GNPTAB: variants seen among roughly 807,000 people sequenced by gnomAD.
The protein encoded by GNPTAB is N-acetylglucosamine-1-phosphate transferase subunits alpha and beta, also known as N-acetylglucosamine-1-phosphotransferase subunits alpha/beta.
Under a neutral mutation model 136.6 loss-of-function variants are expected in GNPTAB, and 92 were observed. That is an observed-to-expected ratio of 0.67 (90% CI 0.57 to 0.80). GNPTAB has a LOEUF of 0.80. Among genes scored for constraint, GNPTAB ranks in the 30% least tolerant of loss-of-function variants. The pLI is 0.00. For synonymous variants in GNPTAB, 512 were observed against 535.1 expected, an observed-to-expected ratio of 0.96 and a Z score of 0.60; for missense variants, 1,343 against 1,501.8, an observed-to-expected ratio of 0.89 and a Z score of 1.75.
At chr12:101,789,641 C>T (rs1333518730) in intron 3 of GNPTAB, among the ~76,000 whole-genome samples, 3 of 152,252 alleles carry the variant, frequency 2.0e-5, no homozygotes, top group South Asian at 2.1e-4. Context: ...TGCACCATCA[C>T]GCCCAACAAA....
intron 1 of GNPTAB, among the ~76,000 whole-genome samples, chr12:101,810,223 G>C (rs1282134075): frequency 6.6e-6 from 1 of 152,006 alleles, no homozygotes; most frequent in Non-Finnish European, 1.5e-5. Context: ...TCCAGCCTGG[G>C]CAACAGAGCA....
At chr12:101,787,004 G>A (rs1868685554) in intron 4 of GNPTAB, among the ~76,000 whole-genome samples, 1 of 152,144 alleles carries the variant, frequency 6.6e-6, no homozygotes, top group Non-Finnish European at 1.5e-5. Flanking sequence ...AATCTTTTGG[G>A]AAAGCAAGTT....
chr12:101,830,687 C>A lies in GNPTAB; in HGVS notation c.-12G>T, dbSNP rs748971615. ...AGCTTGAACAGCATCACCCCTTCAC[C>A]GCCACGCCACGCCCCGAGGAGCCTG... On this transcript the variant is annotated 5_prime_UTR_variant, in exon 1 of 21. Coordinates refer to ENST00000299314, the MANE Select transcript of GNPTAB (RefSeq NM_024312.5). 6 of 1,476,954 alleles carry A rather than the reference C, an allele frequency of 4.1e-6. No homozygotes were observed. The South Asian group carries it at 6.8e-5, about 17-fold the overall frequency. 91.5% of individuals were successfully genotyped at this position (1,476,954 alleles called of 1,614,324 possible).
At chr12:101,775,797 T>C (rs1033732734) in intron 7 of GNPTAB, among the ~76,000 whole-genome samples, 2 of 152,030 alleles carry the variant, frequency 1.3e-5, no homozygotes, top group South Asian at 4.2e-4. Context: ...GTGCACATAG[T>C]GGTTTCAGAG....
intron 1 of GNPTAB, among the ~76,000 whole-genome samples, chr12:101,805,439 G>A (rs761196481): frequency 6.6e-6 from 1 of 152,198 alleles, no homozygotes; most frequent in East Asian, 1.9e-4. Flanking sequence ...CCAGGCTGGA[G>A]TGCAGTGGCG....
At chr12:101,791,731 G>T (rs1337017516) in intron 2 of GNPTAB, among the ~76,000 whole-genome samples, 3 of 152,124 alleles carry the variant, frequency 2.0e-5, no homozygotes. Flanking sequence ...ACTTTCAGTT[G>T]CTACCATATT....
chr12:101,756,501 G>C (rs755631335), intron 18 of GNPTAB: 1 of 397,106 alleles, frequency 2.5e-6, no homozygotes, highest in Non-Finnish European at 5.0e-6. Flanking sequence ...TTGAGCCCAC[G>C]AGGTCGAGGC....
At chr12:101,765,836 A>G in intron 12 of GNPTAB, 1 of 462,308 alleles carries the variant, frequency 2.2e-6, no homozygotes, top group Non-Finnish European at 4.0e-6. Context: ...TTCACCACAT[A>G]TTTTCAGCTA....
At chr12:101,821,629 T>C (rs1039194053) in intron 1 of GNPTAB, among the ~76,000 whole-genome samples, 6 of 152,136 alleles carry the variant, frequency 3.9e-5, no homozygotes, top group Admixed American at 2.0e-4. Flanking sequence ...CAGAGGTAGC[T>C]GGCATTCTGT....
At chr12:101,779,491 G>C (rs1445355600) in intron 7 of GNPTAB, 1 of 153,866 alleles carries the variant, frequency 6.5e-6, no homozygotes, top group Non-Finnish European at 1.4e-5. Flanking sequence ...CCAGCCTCCA[G>C]AGTCCACCTT....
At chr12:101,820,880 A>G (rs1164143619) in intron 1 of GNPTAB, among the ~76,000 whole-genome samples, 1 of 152,020 alleles carries the variant, frequency 6.6e-6, no homozygotes, top group Non-Finnish European at 1.5e-5. Flanking sequence ...CAACCAGTGA[A>G]ACCCCATCTC....
At chr12:101,809,717 CA>C (rs1870118947) in intron 1 of GNPTAB, among the ~76,000 whole-genome samples, 2 of 152,078 alleles carry the variant, frequency 1.3e-5, no homozygotes, top group African/African-American at 2.4e-5. Context: ...ACAGACACAG[CA>C]AAAAGATCAG....
At chr12:101,794,485 TTAAAA>T in intron 2 of GNPTAB, among the ~76,000 whole-genome samples, 1 of 146,164 alleles carries the variant, frequency 6.8e-6, no homozygotes, top group African/African-American at 2.5e-5. Flanking sequence ...CCCATCTCTA[TTAAAA>T]TAAATAAATT....
At chr12:101,796,837 C>A in intron 1 of GNPTAB, 75 bp from the exon 2 acceptor site, 3 of 989,888 alleles carry the variant, frequency 3.0e-6, no homozygotes, top group Admixed American at 2.0e-5. Context: ...ATTTTAATTT[C>A]ATTAGAATTG....
At chr12:101,801,957 G>A (rs1012713294) in intron 1 of GNPTAB, among the ~76,000 whole-genome samples, 3 of 152,000 alleles carry the variant, frequency 2.0e-5, no homozygotes, top group Non-Finnish European at 2.9e-5. Context: ...GGAGGCCAAG[G>A]CTGGAGGATG....
At chr12:101,802,213 A>AG (rs1032313253) in intron 1 of GNPTAB, among the ~76,000 whole-genome samples, 8 of 145,114 alleles carry the variant, frequency 5.5e-5, no homozygotes, top group South Asian at 2.1e-4. Flanking sequence ...AAAAAAAAAA[A>AG]AAAAGAAAAG....
chr12:101,823,447 T>C (rs543817963), intron 1 of GNPTAB, among the ~76,000 whole-genome samples: 3 of 151,888 alleles, frequency 2.0e-5, no homozygotes, highest in Non-Finnish European at 2.9e-5. Context: ...CCGTCTCTAC[T>C]AAAAATACAA....
chr12:101,822,716 C>T (rs1390545659), intron 1 of GNPTAB, among the ~76,000 whole-genome samples: 3 of 151,582 alleles, frequency 2.0e-5, no homozygotes, highest in Admixed American at 6.5e-5. Flanking sequence ...GGACTGAAGA[C>T]TCTAATTGCT....
At chr12:101,752,480 T>A (rs921781733) in intron 19 of GNPTAB, among the ~76,000 whole-genome samples, 1 of 152,220 alleles carries the variant, frequency 6.6e-6, no homozygotes, top group Admixed American at 6.5e-5. Context: ...TTATAAAGTT[T>A]CCTGGTTGGT....
Sources: allele counts gnomAD v4.1 joint callset (sites outside exome capture counted in the v4.1 genomes callset), GRCh38; gene constraint gnomAD v4.1.1; transcripts MANE v1.5; gene names NCBI Gene and HGNC (gene_info 2026-07-23, HGNC 2026-07-21).